KDM4B: variants seen among roughly 807,000 people sequenced by gnomAD.
KDM4B encodes the protein lysine demethylase 4B.
KDM4B carries 32 observed loss-of-function variants against 125.2 expected under a neutral mutation model. The observed-to-expected ratio is 0.26, with a 90% CI of 0.19 to 0.34. The LOEUF is 0.34. Ranked by LOEUF, KDM4B falls within the 10% of genes least tolerant of loss-of-function variation. The probability of loss-of-function intolerance (pLI) is 1.00; values close to 1 mark genes in which losing one functional copy is unlikely to be tolerated. For missense variants in KDM4B, 1,190 were observed against 1,577.7 expected, an observed-to-expected ratio of 0.75 and a Z score of 4.16; for synonymous variants, 721 against 677.9, an observed-to-expected ratio of 1.06 and a Z score of -0.99.
intron 11 of KDM4B, among the ~76,000 whole-genome samples, chr19:5,123,664 G>A (rs2039401122): frequency 6.6e-6 from 1 of 152,206 alleles, no homozygotes; most frequent in Admixed American, 6.5e-5. Flanking sequence ...TGCAGGGCCT[G>A]TGTCTACACT....
chr19:5,018,688 A>G (rs769563027), intron 2 of KDM4B, among the ~76,000 whole-genome samples: 2 of 152,196 alleles, frequency 1.3e-5, no homozygotes, highest in African/African-American at 2.4e-5. Context: ...ATTGTCCCAG[A>G]GGAAGCTCTG....
chr19:5,106,879 G>A (rs890275301), intron 9 of KDM4B, among the ~76,000 whole-genome samples: 3 of 152,236 alleles, frequency 2.0e-5, no homozygotes, highest in Admixed American at 1.3e-4. Flanking sequence ...GGGGAGAACG[G>A]TGGGGGCAGA....
intron 1 of KDM4B, among the ~76,000 whole-genome samples, chr19:4,987,143 G>A (rs932895979): frequency 1.3e-5 from 2 of 152,072 alleles, no homozygotes; most frequent in African/African-American, 4.8e-5. Flanking sequence ...ATTTTTAGTA[G>A]AGATGGGGTT....
At chr19:5,018,024 C>A (rs891038658) in intron 2 of KDM4B, among the ~76,000 whole-genome samples, 2 of 148,398 alleles carry the variant, frequency 1.3e-5, no homozygotes, top group African/African-American at 5.0e-5. Context: ...CAGGCGTGAG[C>A]CACTGTGCCC....
chr19:5,028,208 C>T (rs920651465), intron 2 of KDM4B, among the ~76,000 whole-genome samples: 1 of 152,120 alleles, frequency 6.6e-6, no homozygotes, highest in South Asian at 2.1e-4. Context: ...AACTCCTGGG[C>T]TAGAGCACCC....
intron 1 of KDM4B, among the ~76,000 whole-genome samples, chr19:4,998,058 C>G (rs971864584): frequency 4.6e-5 from 7 of 152,268 alleles, no homozygotes; most frequent in Non-Finnish European, 1.0e-4. Context: ...CCTCTTGTGT[C>G]TGCCAGGGGT....
chr19:5,110,912 G>A (rs894378602), intron 10 of KDM4B, 94 bp downstream of exon 10: 10 of 1,008,136 alleles, frequency 9.9e-6, no homozygotes, highest in African/African-American at 6.6e-5. Context: ...CAGGGGCTCC[G>A]GGCCGTGTCC....
chr19:5,146,249 C>CTT (rs2039843548), intron 21 of KDM4B, among the ~76,000 whole-genome samples: 1 of 148,526 alleles, frequency 6.7e-6, no homozygotes, highest in Non-Finnish European at 1.5e-5. Context: ...CCCCCCGCTC[C>CTT]GCCGTGCAGG....
chr19:5,100,009 C>T (rs932656580), intron 9 of KDM4B, among the ~76,000 whole-genome samples: 2 of 152,254 alleles, frequency 1.3e-5, no homozygotes, highest in African/African-American at 2.4e-5. Flanking sequence ...GGCTGGGTAT[C>T]GAAGTCCCTT....
At chr19:5,101,222 C>CAAAA (rs751379008) in intron 9 of KDM4B, among the ~76,000 whole-genome samples, 4 of 85,642 alleles carry the variant, frequency 4.7e-5, no homozygotes, top group Admixed American at 3.9e-4. Context: ...GACTCCGTCT[C>CAAAA]AAAAAAAAAA....
chr19:5,090,300 G>A (rs927832075), intron 9 of KDM4B, among the ~76,000 whole-genome samples: 15 of 151,090 alleles, frequency 9.9e-5, no homozygotes, highest in African/African-American at 1.7e-4. Flanking sequence ...TACCCGGTTC[G>A]TTTTGAGAAG....
intron 6 of KDM4B, among the ~76,000 whole-genome samples, chr19:5,052,347 G>T (rs2145729939): frequency 6.9e-6 from 1 of 145,468 alleles, no homozygotes; most frequent in Non-Finnish European, 1.5e-5. Context: ...CCGTGCTCCA[G>T]ACACTGGGGG....
chr19:5,067,905 G>A (rs1192856281), intron 6 of KDM4B, among the ~76,000 whole-genome samples: 1 of 152,116 alleles, frequency 6.6e-6, no homozygotes, highest in African/African-American at 2.4e-5. Flanking sequence ...TTTTGGCCGT[G>A]AAGTTTGACC....
chr19:5,136,775 T>C (rs1319595081), intron 15 of KDM4B, among the ~76,000 whole-genome samples: 1 of 152,192 alleles, frequency 6.6e-6, no homozygotes, highest in Admixed American at 6.5e-5. Flanking sequence ...GGCAGAGCCC[T>C]GGGGGGCAGG....
chr19:5,131,134 C>T lies in KDM4B; in HGVS notation c.1374C>T (p.Ser458=), dbSNP rs2039535514. The T allele has an allele frequency of 6.5e-7, 1 of 1,538,864 alleles. No homozygotes were observed. Among genetic ancestry groups the T allele is most frequent in the African/African-American group, 1.4e-5 (1 of 72,604 alleles). The change falls in exon 12 of 23, where the codon AGC becomes AGT. Residue 458 remains serine, a synonymous_variant. Coordinates refer to ENST00000159111, the MANE Select transcript of KDM4B (RefSeq NM_015015.3). ...CCAAGAGCGAGCGGAAGAAGAAGAGCTTCGGCCTGCTGCCCCCACAGCTGC... is the reference window on the plus strand; with the variant it reads ...CCAAGAGCGAGCGGAAGAAGAAGAGTTTCGGCCTGCTGCCCCCACAGCTGC... ...TKAKSERKKK[S]FGLLPPQLPP...
At chr19:5,134,139 C>T (rs1599252901) in intron 14 of KDM4B, 78 bp downstream of exon 14, 9 of 1,354,360 alleles carry the variant, frequency 6.6e-6, no homozygotes, top group Non-Finnish European at 9.1e-6. Context: ...GGGCACCCCA[C>T]ACGCCTCCCT....
intron 1 of KDM4B, among the ~76,000 whole-genome samples, chr19:4,975,123 G>T (rs2034400528): frequency 6.6e-6 from 1 of 152,104 alleles, no homozygotes; most frequent in Non-Finnish European, 1.5e-5. Flanking sequence ...GTCTGTTTGT[G>T]TATCTGTTTG....
chr19:5,006,522 C>T (rs1172149605), intron 1 of KDM4B, among the ~76,000 whole-genome samples: 1 of 152,150 alleles, frequency 6.6e-6, no homozygotes, highest in Non-Finnish European at 1.5e-5. Flanking sequence ...GCTGTAATCC[C>T]AGCACTCTGG....
intron 7 of KDM4B, chr19:5,074,446 CA>C (rs568502746): frequency 3.2e-4 from 48 of 152,378 alleles, no homozygotes; most frequent in African/African-American, 9.6e-4. Context: ...CAAATGGGCT[CA>C]CCGGGAGAGT....
Sources: gnomAD v4.1 joint callset for allele counts (sites outside exome capture counted in the v4.1 genomes callset) on GRCh38, gnomAD v4.1.1 for gene constraint, MANE v1.5 for transcripts, NCBI Gene and HGNC (gene_info 2026-07-23, HGNC 2026-07-21) for gene names.